Variants in NAALADL2 observed in about 807,000 individuals in gnomAD.
The protein encoded by NAALADL2 is inactive N-acetylated-alpha-linked acidic dipeptidase-like protein 2.
In NAALADL2, 76 loss-of-function variants were observed where a neutral mutation model predicts 87.2. The observed-to-expected ratio is 0.87, with a 90% CI of 0.72 to 1.05. NAALADL2 has a LOEUF of 1.05. NAALADL2 is among the 50% of genes least tolerant of loss of function. The pLI is 0.00. For synonymous variants in NAALADL2, 354 were observed against 331.0 expected (o/e 1.07, Z -0.75); for missense variants, 1,089 against 945.8 (o/e 1.15, Z -1.99).
At chr3:175,752,640 A>C (rs1319634244) in intron 12 of NAALADL2, among the ~76,000 whole-genome samples, 1 of 152,118 alleles carries the variant, frequency 6.6e-6, no homozygotes, top group Non-Finnish European at 1.5e-5. Flanking sequence ...GTGAGTGGCT[A>C]GTTTCCACTA....
intron 2 of NAALADL2, among the ~76,000 whole-genome samples, chr3:175,137,823 T>C (rs1463084178): frequency 6.6e-6 from 1 of 151,904 alleles, no homozygotes; most frequent in African/African-American, 2.4e-5. Flanking sequence ...GGGGTTTCGC[T>C]AGGTTACCCA....
chr3:175,602,948 CCTT>C (rs1403923135), intron 10 of NAALADL2, among the ~76,000 whole-genome samples: 1 of 152,150 alleles, frequency 6.6e-6, no homozygotes, highest in East Asian at 1.9e-4. Flanking sequence ...CCCTTTCTCT[CCTT>C]CTCCCTATAT....
intron 10 of NAALADL2, among the ~76,000 whole-genome samples, chr3:175,620,250 C>T (rs1031242503): frequency 2.6e-5 from 4 of 152,278 alleles, no homozygotes; most frequent in East Asian, 1.9e-4. Flanking sequence ...AGGCTCACTT[C>T]GCCCACTCGA....
intron 9 of NAALADL2, among the ~76,000 whole-genome samples, chr3:175,495,094 T>TATATATATA (rs1167550415): frequency 0.023 from 3,074 of 133,074 alleles, 45 homozygotes; most frequent in Admixed American, 0.028. Flanking sequence ...ATATATATAT[T>TATATATATA]TTTTTTTAAT....
intron 11 of NAALADL2, among the ~76,000 whole-genome samples, chr3:175,656,035 C>G (rs1024543408): frequency 6.6e-6 from 1 of 152,166 alleles, no homozygotes; most frequent in Non-Finnish European, 1.5e-5. Flanking sequence ...AGTGGCTTAT[C>G]TAATGTCCTT....
chr3:175,505,085 C>A (rs767376094), intron 9 of NAALADL2, among the ~76,000 whole-genome samples: 1 of 152,056 alleles, frequency 6.6e-6, no homozygotes, highest in Non-Finnish European at 1.5e-5. Flanking sequence ...GAAAGCCAGT[C>A]ACCATGTAAA....
At chr3:175,156,317 T>TC (rs1732309119) in intron 2 of NAALADL2, among the ~76,000 whole-genome samples, 3 of 151,832 alleles carry the variant, frequency 2.0e-5, no homozygotes, top group Non-Finnish European at 4.4e-5. Flanking sequence ...GACAAATCTT[T>TC]AGATAAATAG....
At chr3:174,625,407 C>T (rs924853043) in intron 2 of NAALADL2, among the ~76,000 whole-genome samples, 1 of 151,688 alleles carries the variant, frequency 6.6e-6, no homozygotes, top group Non-Finnish European at 1.5e-5. Flanking sequence ...CAAATAATTA[C>T]TTTTTACTTT....
chr3:174,670,645 G>C (rs1318268806), intron 2 of NAALADL2, among the ~76,000 whole-genome samples: 1 of 151,872 alleles, frequency 6.6e-6, no homozygotes, highest in African/African-American at 2.4e-5. Context: ...TTTCAATCTT[G>C]ATTTTTCTAT....
chr3:175,227,841 C>T (rs1744383650), intron 2 of NAALADL2, among the ~76,000 whole-genome samples: 1 of 151,796 alleles, frequency 6.6e-6, no homozygotes, highest in Admixed American at 6.6e-5. Flanking sequence ...CATATGATCT[C>T]CTGAAATCAT....
intron 1 of NAALADL2, among the ~76,000 whole-genome samples, chr3:175,005,619 A>G (rs889951448): frequency 6.6e-6 from 1 of 152,200 alleles, no homozygotes. Context: ...GAAGAGAAGA[A>G]GAGAAACTCT....
At chr3:175,410,049 A>G (rs1295541020) in intron 5 of NAALADL2, among the ~76,000 whole-genome samples, 1 of 152,124 alleles carries the variant, frequency 6.6e-6, no homozygotes, top group Non-Finnish European at 1.5e-5. Flanking sequence ...CTTTGGAAAG[A>G]GATAGGAAAG....
chr3:174,735,109 C>T (rs1327947420), intron 2 of NAALADL2, among the ~76,000 whole-genome samples: 1 of 151,962 alleles, frequency 6.6e-6, no homozygotes, highest in Admixed American at 6.6e-5. Context: ...AAAAATATTA[C>T]AATAAAGAGA....
At chr3:175,099,631 A>T (rs1721773100) in intron 2 of NAALADL2, among the ~76,000 whole-genome samples, 1 of 152,092 alleles carries the variant, frequency 6.6e-6, no homozygotes, top group South Asian at 2.1e-4. Context: ...ATTACTTTCC[A>T]TGAATTTATT....
At chr3:175,496,194 T>C (rs1728786737) in intron 9 of NAALADL2, among the ~76,000 whole-genome samples, 1 of 152,146 alleles carries the variant, frequency 6.6e-6, no homozygotes, top group African/African-American at 2.4e-5. Flanking sequence ...CCAGTAAAAT[T>C]CACACCAGAA....
chr3:174,666,102 T>C (rs1725931740), intron 2 of NAALADL2, among the ~76,000 whole-genome samples: 1 of 152,144 alleles, frequency 6.6e-6, no homozygotes, highest in Admixed American at 6.6e-5. Flanking sequence ...TTTTGGGGTA[T>C]AGTTTATTCC....
intron 9 of NAALADL2, among the ~76,000 whole-genome samples, chr3:175,491,936 C>G (rs1028093467): frequency 6.6e-6 from 1 of 152,152 alleles, no homozygotes; most frequent in Non-Finnish European, 1.5e-5. Context: ...AAAAAAGACT[C>G]AGAAAAAATA....
chr3:174,463,641 C>G (rs1716345727), intron 1 of NAALADL2, among the ~76,000 whole-genome samples: 1 of 145,404 alleles, frequency 6.9e-6, no homozygotes, highest in African/African-American at 2.6e-5. Flanking sequence ...CGCTCTGTCA[C>G]CCAGGCTAGA....
At chr3:174,828,208 A>G (rs1248254692) in intron 3 of NAALADL2, among the ~76,000 whole-genome samples, 4 of 149,212 alleles carry the variant, frequency 2.7e-5, no homozygotes, top group Admixed American at 1.3e-4. Flanking sequence ...GATTCTCTCA[A>G]TCTTCCCCCC....
Sources: allele counts gnomAD v4.1 joint callset (sites outside exome capture counted in the v4.1 genomes callset), GRCh38; gene constraint gnomAD v4.1.1; transcripts MANE v1.5; gene names NCBI Gene and HGNC (gene_info 2026-07-23, HGNC 2026-07-21).